The following SEPTIN2 variants were observed in gnomAD, a reference collection of about 807,000 sequenced individuals.
The protein encoded by SEPTIN2 is septin 2, also known as septin-2.
A neutral mutation model predicts 46.5 loss-of-function variants in SEPTIN2; 34 were observed. The ratio of observed to expected loss-of-function variants is 0.73; its 90% CI spans 0.56 to 0.97. The LOEUF (loss-of-function observed/expected upper bound fraction) is 0.97. SEPTIN2 is among the 50% of genes least tolerant of loss of function. The probability of loss-of-function intolerance (pLI) is 0.00; values close to 1 mark genes in which losing one functional copy is unlikely to be tolerated. For synonymous variants in SEPTIN2, 175 were observed against 153.4 expected (o/e 1.14, Z -1.04); for missense variants, 347 against 448.4 (o/e 0.77, Z 2.04).
chr2:241,326,898 AC>A (rs1022117626), intron 3 of SEPTIN2, among the ~76,000 whole-genome samples: 1 of 151,852 alleles, frequency 6.6e-6, no homozygotes, highest in African/African-American at 2.4e-5. Flanking sequence ...ACATGGTGAA[AC>A]CCTGTCTCTA....
chr2:241,318,240 T>G (rs2076659322), intron 1 of SEPTIN2: 1 of 152,278 alleles, frequency 6.6e-6, no homozygotes, highest in African/African-American at 2.4e-5. Context: ...TGCACAGGGT[T>G]CAGTGAGGCT....
At chr2:241,327,572 G>A (rs540870295) in intron 3 of SEPTIN2, among the ~76,000 whole-genome samples, 2 of 149,038 alleles carry the variant, frequency 1.3e-5, no homozygotes, top group East Asian at 3.9e-4. Flanking sequence ...AGTTGTAAAT[G>A]CACAGATCCA....
chr2:241,325,876 C>CT, intron 2 of SEPTIN2, 117 bp from the exon 3 acceptor site: 1 of 959,998 alleles, frequency 1.0e-6, no homozygotes, highest in Non-Finnish European at 1.5e-6. Flanking sequence ...AGTGTTTATA[C>CT]TTTTTAAAAA....
chr2:241,317,640 A>G (rs2076555290), intron 1 of SEPTIN2: 1 of 806,822 alleles, frequency 1.2e-6, no homozygotes, highest in Non-Finnish European at 1.5e-6. Flanking sequence ...GTAGTCATAC[A>G]TGCCACTTAT....
At position 241,348,557 on chromosome 2, in the gene SEPTIN2, G is replaced by A. The variant is rs553923169; in HGVS notation, c.984+366G>A. On this transcript the variant is annotated intron_variant, in intron 11 of 12. Transcript: ENST00000391971. ...AAAAGTACTATTCTTGTGACTGAAGGTGTTTTGTTTACATCCGTAGATATC... is the reference window on the plus strand; with the variant it reads ...AAAAGTACTATTCTTGTGACTGAAGATGTTTTGTTTACATCCGTAGATATC... Among the ~76,000 whole-genome samples, 40 of 152,066 alleles carry A rather than the reference G, an allele frequency of 2.6e-4. No individual in the cohort carries two copies. In the South Asian group the frequency reaches 4.2e-3, roughly 16 times the overall value.
chr2:241,333,553 A>G (rs1280715154), intron 3 of SEPTIN2, among the ~76,000 whole-genome samples: 1 of 152,206 alleles, frequency 6.6e-6, no homozygotes. Flanking sequence ...TCAGTCGCCC[A>G]CGCTGGAGTG....
At chr2:241,350,017 A>G in intron 11 of SEPTIN2, 56 bp from the exon 12 acceptor site, 1 of 1,542,728 alleles carries the variant, frequency 6.5e-7, no homozygotes, top group South Asian at 1.2e-5. Context: ...ACACCCAGAA[A>G]TAATGTTCAA....
At chr2:241,329,872 G>A (rs141863020) in intron 3 of SEPTIN2, among the ~76,000 whole-genome samples, 154 of 152,360 alleles carry the variant, frequency 1.0e-3, no homozygotes, top group African/African-American at 3.6e-3. Context: ...AAGAGCAACA[G>A]GCTATGACCT....
chr2:241,347,888 G>C (rs899895896), intron 10 of SEPTIN2, among the ~76,000 whole-genome samples: 2 of 152,096 alleles, frequency 1.3e-5, no homozygotes, highest in African/African-American at 2.4e-5. Flanking sequence ...GGTAGCACGT[G>C]CCTGTAATGC....
At chr2:241,317,516 A>G (rs868551839) in intron 1 of SEPTIN2, 4 of 984,600 alleles carry the variant, frequency 4.1e-6, no homozygotes, top group Non-Finnish European at 4.8e-6. Context: ...AAACTGCTGT[A>G]AAAGAAGAAG....
intron 7 of SEPTIN2, among the ~76,000 whole-genome samples, chr2:241,340,779 T>G (rs2081148919): frequency 1.3e-5 from 2 of 152,212 alleles, no homozygotes; most frequent in Admixed American, 1.3e-4. Context: ...ATCACTTCTC[T>G]TCCTCCAGTT....
intron 1 of SEPTIN2, chr2:241,316,541 G>T: frequency 6.6e-7 from 1 of 1,520,576 alleles, no homozygotes; most frequent in Non-Finnish European, 8.8e-7. Flanking sequence ...GGCGACGAAG[G>T]TCTGCACCAG....
At chr2:241,339,512 T>A (rs1270217346) in intron 7 of SEPTIN2, among the ~76,000 whole-genome samples, 2 of 152,204 alleles carry the variant, frequency 1.3e-5, no homozygotes, top group African/African-American at 4.8e-5. Flanking sequence ...TTGATTTTTC[T>A]ATTTAAAAAT....
At chr2:241,344,500 C>T (rs1004804087) in intron 9 of SEPTIN2, among the ~76,000 whole-genome samples, 4 of 151,982 alleles carry the variant, frequency 2.6e-5, no homozygotes, top group African/African-American at 9.7e-5. Flanking sequence ...AGTTCAAGAC[C>T]AGCCTGACCA....
At chr2:241,316,428 A>G (rs2076262366) in intron 1 of SEPTIN2, 1 of 1,246,308 alleles carries the variant, frequency 8.0e-7, no homozygotes, top group Non-Finnish European at 1.1e-6. Context: ...TGAGGCGTGG[A>G]GGACTGGCCA....
chr2:241,343,704 C>G (rs2081578098), intron 8 of SEPTIN2, 48 bp from the exon 9 acceptor site: 1 of 1,609,092 alleles, frequency 6.2e-7, no homozygotes, highest in Admixed American at 1.7e-5. Flanking sequence ...CCAGTGAACT[C>G]TGGGGTTCCC....
At chr2:241,342,970 C>T in intron 7 of SEPTIN2, 22 bp from the exon 8 acceptor site, 1 of 1,389,388 alleles carries the variant, frequency 7.2e-7, no homozygotes, top group Non-Finnish European at 1.0e-6. Flanking sequence ...TAAAATTGAT[C>T]CTGGTTTTGT....
intron 7 of SEPTIN2, among the ~76,000 whole-genome samples, chr2:241,341,561 C>T (rs2081262658): frequency 6.6e-6 from 1 of 152,134 alleles, no homozygotes; most frequent in Non-Finnish European, 1.5e-5. Flanking sequence ...CAGTTTCTCC[C>T]AGAGATAAGA....
At chr2:241,324,001 A>G (rs1417499334) in intron 1 of SEPTIN2, among the ~76,000 whole-genome samples, 1 of 152,256 alleles carries the variant, frequency 6.6e-6, no homozygotes, top group African/African-American at 2.4e-5. Flanking sequence ...GTCAGAAAGA[A>G]TAAAAGTAGT....
Sources: gnomAD v4.1 joint callset for allele counts (sites outside exome capture counted in the v4.1 genomes callset) on GRCh38, gnomAD v4.1.1 for gene constraint, MANE v1.5 for transcripts, NCBI Gene and HGNC (gene_info 2026-07-23, HGNC 2026-07-21) for gene names.